ADARB2: variants seen among roughly 807,000 people sequenced by gnomAD.
ADARB2 encodes inactive double-stranded RNA-specific editase B2.
A neutral mutation model predicts 62.2 loss-of-function variants in ADARB2; 25 were observed. The observed-to-expected ratio is 0.40, with a 90% CI of 0.29 to 0.56. ADARB2 has a LOEUF of 0.56. Ranked by LOEUF, ADARB2 falls within the 20% of genes least tolerant of loss-of-function variation. The pLI, the probability that ADARB2 is intolerant of heterozygous loss-of-function variation, is 0.43. For missense variants in ADARB2, 1,071 were observed against 1,077.4 expected, an observed-to-expected ratio of 0.99 and a Z score of 0.08; for synonymous variants, 572 against 500.8, an observed-to-expected ratio of 1.14 and a Z score of -1.90.
At chr10:1,717,928 G>C (rs1282591001) in intron 1 of ADARB2, among the ~76,000 whole-genome samples, 1 of 152,082 alleles carries the variant, frequency 6.6e-6, no homozygotes, top group Non-Finnish European at 1.5e-5. Flanking sequence ...CTGATTTTGG[G>C]TGGCATATGA....
chr10:1,401,608 T>C (rs945485264), intron 1 of ADARB2, among the ~76,000 whole-genome samples: 16 of 152,180 alleles, frequency 1.1e-4, no homozygotes, highest in Non-Finnish European at 1.9e-4. Flanking sequence ...CGGTGCATTT[T>C]AAACGGCACC....
intron 1 of ADARB2, among the ~76,000 whole-genome samples, chr10:1,684,833 A>T (rs1834579719): frequency 6.6e-6 from 1 of 152,184 alleles, no homozygotes; most frequent in African/African-American, 2.4e-5. Context: ...GAAGCTCAGG[A>T]ATGCGTGAGT....
At chr10:1,649,201 G>GA (rs200034583) in intron 1 of ADARB2, among the ~76,000 whole-genome samples, 2,487 of 151,698 alleles carry the variant, frequency 0.016, 64 homozygotes, top group African/African-American at 0.052. Context: ...ATGAAATTCA[G>GA]AAAAAAAAGA....
At chr10:1,537,859 G>A (rs962032165) in intron 1 of ADARB2, among the ~76,000 whole-genome samples, 5 of 152,176 alleles carry the variant, frequency 3.3e-5, no homozygotes, top group Admixed American at 3.3e-4. Flanking sequence ...AATACCTAAT[G>A]CATGCCGGTC....
intron 3 of ADARB2, among the ~76,000 whole-genome samples, chr10:1,294,492 C>T (rs957532330): frequency 2.0e-5 from 3 of 152,156 alleles, no homozygotes; most frequent in Non-Finnish European, 2.9e-5. Flanking sequence ...CACCTTACAG[C>T]TGGGGAAACT....
At chr10:1,480,350 T>C (rs1406186881) in intron 1 of ADARB2, among the ~76,000 whole-genome samples, 2 of 152,214 alleles carry the variant, frequency 1.3e-5, no homozygotes, top group Non-Finnish European at 2.9e-5. Context: ...AAATCAACAC[T>C]TAAAATTAGT....
At chr10:1,461,405 A>G (rs1267855566) in intron 1 of ADARB2, among the ~76,000 whole-genome samples, 1 of 152,200 alleles carries the variant, frequency 6.6e-6, no homozygotes, top group Non-Finnish European at 1.5e-5. Context: ...AGGAAATGAG[A>G]ATCTGACTCG....
chr10:1,241,134 C>G (rs1278695870), intron 5 of ADARB2, among the ~76,000 whole-genome samples: 1 of 152,146 alleles, frequency 6.6e-6, no homozygotes, highest in African/African-American at 2.4e-5. Flanking sequence ...TGGTGAACGC[C>G]TGTAGACCCA....
chr10:1,640,681 C>T (rs193094787), intron 1 of ADARB2, among the ~76,000 whole-genome samples: 15 of 152,296 alleles, frequency 9.8e-5, no homozygotes, highest in Admixed American at 3.3e-4. Context: ...AAAACATGCA[C>T]ACACATAAAT....
chr10:1,209,808 C>A (rs1837125176), intron 7 of ADARB2, among the ~76,000 whole-genome samples: 1 of 152,232 alleles, frequency 6.6e-6, no homozygotes, highest in Non-Finnish European at 1.5e-5. Context: ...ATGACTGTGG[C>A]CACAGGAGGC....
intron 1 of ADARB2, among the ~76,000 whole-genome samples, chr10:1,516,724 C>T (rs1832013844): frequency 6.6e-6 from 1 of 152,192 alleles, no homozygotes; most frequent in Non-Finnish European, 1.5e-5. Context: ...CCCCGTGCAC[C>T]CTTCCAACTG....
chr10:1,675,491 G>T, intron 1 of ADARB2: 2 of 955,864 alleles, frequency 2.1e-6, no homozygotes, highest in Non-Finnish European at 2.5e-6. Flanking sequence ...GTACATGGAT[G>T]TTCTGGAGGT....
At chr10:1,335,120 A>G (rs1173158131) in intron 3 of ADARB2, among the ~76,000 whole-genome samples, 1 of 151,804 alleles carries the variant, frequency 6.6e-6, no homozygotes, top group African/African-American at 2.4e-5. Context: ...CTCAGGGGCA[A>G]TGGGTTTGTC....
chr10:1,695,961 ATGTG>A (rs1031395057), intron 1 of ADARB2, among the ~76,000 whole-genome samples: 1 of 151,892 alleles, frequency 6.6e-6, no homozygotes, highest in Non-Finnish European at 1.5e-5. Context: ...TGGGATGCAC[ATGTG>A]TATGTGAGAG....
chr10:1,731,186 G>A (rs951116524), intron 1 of ADARB2, among the ~76,000 whole-genome samples: 7 of 152,154 alleles, frequency 4.6e-5, no homozygotes, highest in African/African-American at 7.2e-5. Context: ...TGTGGTTTCC[G>A]GGAAAATGGA....
chr10:1,242,775 A>G (rs113228354), intron 4 of ADARB2, among the ~76,000 whole-genome samples: 1 of 151,992 alleles, frequency 6.6e-6, no homozygotes, highest in African/African-American at 2.4e-5. Context: ...ACAGAAACAC[A>G]GGACAGGAGC....
chr10:1,659,262 G>T (rs949938907), intron 1 of ADARB2, among the ~76,000 whole-genome samples: 1 of 152,152 alleles, frequency 6.6e-6, no homozygotes, highest in African/African-American at 2.4e-5. Context: ...ACAATGAAAA[G>T]ACCGAATCAT....
intron 1 of ADARB2, among the ~76,000 whole-genome samples, chr10:1,660,360 T>C (rs1298131889): frequency 6.6e-6 from 1 of 152,242 alleles, no homozygotes; most frequent in Non-Finnish European, 1.5e-5. Flanking sequence ...ATTATTAATA[T>C]ATTCAGATGA....
chr10:1,314,771 C>T (rs181545095), intron 3 of ADARB2, among the ~76,000 whole-genome samples: 457 of 152,228 alleles, frequency 3.0e-3, no homozygotes, highest in African/African-American at 7.2e-3. Context: ...AAAGTGCTCC[C>T]GGATGTCTGA....
Sources: allele counts gnomAD v4.1 joint callset (sites outside exome capture counted in the v4.1 genomes callset), GRCh38; gene constraint gnomAD v4.1.1; transcripts MANE v1.5; gene names NCBI Gene and HGNC (gene_info 2026-07-23, HGNC 2026-07-21).